NOX4: variants seen among roughly 807,000 people sequenced by gnomAD.
The protein encoded by NOX4 is kidney oxidase-1.
In NOX4, 69 loss-of-function variants were observed where a neutral mutation model predicts 87.6. That is an observed-to-expected ratio of 0.79 (90% CI 0.65 to 0.96). The LOEUF is 0.96. NOX4 is among the 40% of genes least tolerant of loss of function. The pLI, the probability that NOX4 is intolerant of heterozygous loss-of-function variation, is 0.00. For synonymous variants in NOX4, 275 were observed against 238.2 expected (o/e 1.15, Z -1.42); for missense variants, 680 against 681.5 (o/e 1.00, Z 0.02).
chr11:89,501,236 C>G (rs1156256403), upstream of NOX4, among the ~76,000 whole-genome samples: 1 of 152,012 alleles, frequency 6.6e-6, no homozygotes, highest in Non-Finnish European at 1.5e-5. Context: ...ATCTCTCTGC[C>G]TGTGATCTGC....
chr11:89,441,920 T>G (rs1387342293), intron 5 of NOX4, among the ~76,000 whole-genome samples: 1 of 147,130 alleles, frequency 6.8e-6, no homozygotes, highest in African/African-American at 2.5e-5. Context: ...TTTTCAAAAG[T>G]GCTTCACAAA....
intron 13 of NOX4, among the ~76,000 whole-genome samples, chr11:89,347,980 T>C (rs1409341540): frequency 1.3e-5 from 2 of 152,194 alleles, no homozygotes; most frequent in African/African-American, 4.8e-5. Context: ...CAAGGTCATT[T>C]AAGTGGCAGT....
chr11:89,561,002 A>C, the NOX4 span, among the ~76,000 whole-genome samples: 358 of 84,090 alleles, frequency 4.3e-3, no homozygotes, highest in South Asian at 8.7e-3. Context: ...CTCTCTATAT[A>C]TATATATATA....
chr11:89,448,336 C>T (rs1206819238), intron 4 of NOX4, among the ~76,000 whole-genome samples: 1 of 152,128 alleles, frequency 6.6e-6, no homozygotes, highest in Non-Finnish European at 1.5e-5. Context: ...TGTCCTTCAT[C>T]ACTATGTTTC....
At position 89,442,799 on chromosome 11, in the gene NOX4, A is replaced by G. The variant is rs370498601; in HGVS notation, c.447+1336T>C. ...AAATCACTAAAAATATTGGAACTTA[A>G]GCAAAAGTTTATTCCATTAAAATGA... is the stretch of plus-strand genomic sequence containing the variant. On this transcript the variant is annotated intron_variant, in intron 5 of 17. Coordinates refer to ENST00000263317, the MANE Select transcript of NOX4 (RefSeq NM_016931.5). Among the ~76,000 whole-genome samples the G allele has an allele frequency of 7.2e-5, 11 of 152,336 alleles. No individual in the cohort carries two copies. The East Asian group carries it at 2.1e-3, about 29-fold the overall frequency.
At chr11:89,442,746 AAAAT>A (rs1944511774) in intron 5 of NOX4, among the ~76,000 whole-genome samples, 1 of 152,192 alleles carries the variant, frequency 6.6e-6, no homozygotes, top group Non-Finnish European at 1.5e-5. Context: ...CTTTTCAAAG[AAAAT>A]AAATTTAATA....
the NOX4 span, among the ~76,000 whole-genome samples, chr11:89,576,513 T>C: frequency 1.3e-5 from 2 of 152,224 alleles, no homozygotes; most frequent in African/African-American, 4.8e-5. Flanking sequence ...TGAGAAATGT[T>C]ATTTAAATCT....
intron 2 of NOX4, among the ~76,000 whole-genome samples, chr11:89,454,172 T>C (rs1232273391): frequency 1.3e-5 from 2 of 152,142 alleles, no homozygotes; most frequent in Non-Finnish European, 2.9e-5. Context: ...CATGTTACCT[T>C]GAATTTTTTA....
At chr11:89,450,949 A>G (rs1162978424) in intron 3 of NOX4, among the ~76,000 whole-genome samples, 1 of 151,538 alleles carries the variant, frequency 6.6e-6, no homozygotes, top group Non-Finnish European at 1.5e-5. Context: ...CATTCTTAGC[A>G]AACTATCACA....
At chr11:89,334,898 T>C (rs777391835) in intron 17 of NOX4, among the ~76,000 whole-genome samples, 1 of 151,588 alleles carries the variant, frequency 6.6e-6, no homozygotes, top group African/African-American at 2.4e-5. Flanking sequence ...ATTATATGGG[T>C]TAATGGGACA....
At chr11:89,465,081 C>G (rs927796796) in intron 2 of NOX4, among the ~76,000 whole-genome samples, 1 of 152,154 alleles carries the variant, frequency 6.6e-6, no homozygotes, top group African/African-American at 2.4e-5. Flanking sequence ...TGGTGGTTTG[C>G]TGCACCCATG....
chr11:89,350,062 C>G (rs190181933), intron 13 of NOX4, among the ~76,000 whole-genome samples: 1 of 152,202 alleles, frequency 6.6e-6, no homozygotes, highest in East Asian at 1.9e-4. Flanking sequence ...TTATTCCTTT[C>G]CACTCATCTG....
chr11:89,365,455 GAAA>G (rs11337701), intron 12 of NOX4, among the ~76,000 whole-genome samples: 3 of 147,326 alleles, frequency 2.0e-5, no homozygotes, highest in African/African-American at 7.4e-5. Flanking sequence ...AAGAGGGTGG[GAAA>G]AAAAAAAACA....
the NOX4 span, among the ~76,000 whole-genome samples, chr11:89,558,540 G>C: frequency 6.6e-6 from 1 of 152,088 alleles, no homozygotes; most frequent in South Asian, 2.1e-4. Flanking sequence ...CAAGACTAGT[G>C]CCCACCTCTT....
At chr11:89,560,376 A>G in the NOX4 span, among the ~76,000 whole-genome samples, 8 of 152,162 alleles carry the variant, frequency 5.3e-5, no homozygotes, top group Non-Finnish European at 1.0e-4. Flanking sequence ...AGCCCCCAGA[A>G]CTGTGAAACA....
the NOX4 span, among the ~76,000 whole-genome samples, chr11:89,572,576 G>A: frequency 6.6e-6 from 1 of 152,052 alleles, no homozygotes; most frequent in Non-Finnish European, 1.5e-5. Flanking sequence ...TTGAGACGGA[G>A]TCTCACTCTG....
chr11:89,335,012 T>A (rs566348756), intron 17 of NOX4, among the ~76,000 whole-genome samples: 1 of 151,768 alleles, frequency 6.6e-6, no homozygotes, highest in Non-Finnish European at 1.5e-5. Context: ...TCTAGCTGTA[T>A]TTATATTCCA....
intron 11 of NOX4, among the ~76,000 whole-genome samples, chr11:89,376,521 T>C (rs78285919): frequency 6.6e-6 from 1 of 152,188 alleles, no homozygotes; most frequent in Non-Finnish European, 1.5e-5. Flanking sequence ...TTAAAAGATA[T>C]GCTTATGGCA....
intron 9 of NOX4, among the ~76,000 whole-genome samples, chr11:89,401,889 A>G (rs1270516610): frequency 6.6e-6 from 1 of 152,156 alleles, no homozygotes; most frequent in African/African-American, 2.4e-5. Context: ...TGCCTGGCAG[A>G]TAATATTAAG....
Sources: allele counts gnomAD v4.1 joint callset (sites outside exome capture counted in the v4.1 genomes callset), GRCh38; gene constraint gnomAD v4.1.1; transcripts MANE v1.5; gene names NCBI Gene and HGNC (gene_info 2026-07-23, HGNC 2026-07-21).